The following CACNA1C variants were observed in gnomAD, a reference collection of about 807,000 sequenced individuals.
CACNA1C encodes voltage-dependent L-type calcium channel subunit alpha-1C.
CACNA1C carries 30 observed loss-of-function variants against 229.0 expected under a neutral mutation model. The observed-to-expected ratio is 0.13, with a 90% CI of 0.10 to 0.18. The LOEUF (loss-of-function observed/expected upper bound fraction) is 0.18, where lower values mean the gene tolerates loss of function less well. Among genes scored for constraint, CACNA1C ranks in the 10% least tolerant of loss-of-function variants. The probability of loss-of-function intolerance (pLI) is 1.00; values close to 1 mark genes in which losing one functional copy is unlikely to be tolerated. For missense variants in CACNA1C, 1,658 were observed against 2,845.0 expected, an observed-to-expected ratio of 0.58 and a Z score of 9.49; for synonymous variants, 1,114 against 1,132.5, an observed-to-expected ratio of 0.98 and a Z score of 0.33.
chr12:1,980,258 T>C (rs1020895352), intron 1 of CACNA1C, among the ~76,000 whole-genome samples: 10 of 152,244 alleles, frequency 6.6e-5, no homozygotes, highest in African/African-American at 2.2e-4. Flanking sequence ...AATATAATGA[T>C]GCAGTGGAGT....
chr12:2,395,712 A>G (rs189114223), intron 3 of CACNA1C, among the ~76,000 whole-genome samples: 56 of 152,162 alleles, frequency 3.7e-4, no homozygotes, highest in Admixed American at 6.5e-4. Context: ...GAGGCTTCCC[A>G]TGTATTCCTT....
intron 9 of CACNA1C, among the ~76,000 whole-genome samples, chr12:2,530,508 A>T (rs1168336469): frequency 6.6e-6 from 1 of 152,224 alleles, no homozygotes; most frequent in Non-Finnish European, 1.5e-5. Flanking sequence ...GCCCTCAGTG[A>T]TCATCCAGAG....
chr12:2,296,132 G>A (rs953858117), intron 3 of CACNA1C, among the ~76,000 whole-genome samples: 29 of 152,208 alleles, frequency 1.9e-4, no homozygotes, highest in Non-Finnish European at 5.9e-5. Context: ...CAAAGGGAGT[G>A]GGGAGCAGAG....
At chr12:2,482,868 TAGC>T (rs2099681893) in intron 5 of CACNA1C, among the ~76,000 whole-genome samples, 1 of 152,230 alleles carries the variant, frequency 6.6e-6, no homozygotes, top group South Asian at 2.1e-4. Context: ...CTTCCTCAAA[TAGC>T]AGTTGAGATC....
intron 3 of CACNA1C, among the ~76,000 whole-genome samples, chr12:2,433,245 A>G (rs1170596247): frequency 6.6e-6 from 1 of 152,224 alleles, no homozygotes; most frequent in Non-Finnish European, 1.5e-5. Context: ...ACAGAGGCCA[A>G]GGAGGCATCC....
chr12:2,412,629 TAGTA>T (rs1461104013), intron 3 of CACNA1C, among the ~76,000 whole-genome samples: 2 of 152,248 alleles, frequency 1.3e-5, no homozygotes, highest in Non-Finnish European at 2.9e-5. Flanking sequence ...CTCCGCTTCA[TAGTA>T]AGTGCTCAGT....
chr12:2,328,868 T>G (rs775074382), intron 3 of CACNA1C, among the ~76,000 whole-genome samples: 4 of 152,234 alleles, frequency 2.6e-5, no homozygotes, highest in Non-Finnish European at 4.4e-5. Flanking sequence ...ACAAGGCCAC[T>G]CAAGGCAGCC....
chr12:2,461,403 A>C (rs1038372522), intron 5 of CACNA1C, among the ~76,000 whole-genome samples: 2 of 151,980 alleles, frequency 1.3e-5, no homozygotes, highest in Admixed American at 6.5e-5. Flanking sequence ...TCACCCTCTT[A>C]ACATTGGGAA....
intron 3 of CACNA1C, among the ~76,000 whole-genome samples, chr12:2,325,138 C>G (rs1042637461): frequency 1.1e-4 from 16 of 152,134 alleles, no homozygotes; most frequent in Non-Finnish European, 1.3e-4. Context: ...AGTGTGCCGC[C>G]CTACCCTGGC....
chr12:2,529,242 TCACCAC>T (rs2099835243), intron 9 of CACNA1C, among the ~76,000 whole-genome samples: 2 of 152,192 alleles, frequency 1.3e-5, no homozygotes, highest in South Asian at 4.1e-4. Flanking sequence ...TTTTCTATCC[TCACCAC>T]CTCTTCTCCC....
intron 3 of CACNA1C, among the ~76,000 whole-genome samples, chr12:2,442,645 A>G (rs1482871235): frequency 6.6e-6 from 1 of 152,170 alleles, no homozygotes; most frequent in Non-Finnish European, 1.5e-5. Context: ...TGGGTAATGT[A>G]TAAGAAAAGA....
At chr12:2,080,384 G>A (rs11062108) in intron 1 of CACNA1C, among the ~76,000 whole-genome samples, 7,593 of 152,210 alleles carry the variant, frequency 0.05, 572 homozygotes, top group African/African-American at 0.16. Flanking sequence ...GGTGGATCAC[G>A]AGGTCAGGAG....
chr12:2,637,739 C>T (rs1413217357), intron 30 of CACNA1C, among the ~76,000 whole-genome samples: 1 of 152,254 alleles, frequency 6.6e-6, no homozygotes, highest in East Asian at 1.9e-4. Flanking sequence ...TGCTCCGGGC[C>T]TTCCCAGGTA....
At chr12:2,051,714 C>A (rs1255587342), upstream of CACNA1C, among the ~76,000 whole-genome samples, 1 of 152,158 alleles carries the variant, frequency 6.6e-6, no homozygotes, top group African/African-American at 2.4e-5. Flanking sequence ...AACTGAGCAA[C>A]TAGAAGTATG....
chr12:2,203,932 C>T (rs1304749689), intron 3 of CACNA1C, among the ~76,000 whole-genome samples: 22 of 152,200 alleles, frequency 1.4e-4, no homozygotes. Flanking sequence ...TGATTTCTGC[C>T]CCTTCATGGG....
chr12:2,085,566 G>A lies in CACNA1C; in HGVS notation c.50-29658G>A, dbSNP rs563924199. The stretch of plus-strand genomic sequence containing the variant: ...TCCACAGCTAATTCAATTGAGTGGG[G>A]TAATTATAAATACCCTTAGCTGTTC... On this transcript the variant is annotated intron_variant, in intron 1 of 46. Coordinates refer to ENST00000399655, the MANE Select transcript of CACNA1C (RefSeq NM_000719.7). Among the ~76,000 whole-genome samples the A allele has an allele frequency of 3.3e-5, 5 of 152,148 alleles. No individual in the cohort carries two copies. The East Asian group carries it at 7.7e-4, about 24-fold the overall frequency.
chr12:2,168,823 C>A (rs1025907847), intron 3 of CACNA1C, among the ~76,000 whole-genome samples: 1 of 152,158 alleles, frequency 6.6e-6, no homozygotes, highest in Non-Finnish European at 1.5e-5. Context: ...TTATGAGAAC[C>A]TCAGGAGATG....
intron 29 of CACNA1C, among the ~76,000 whole-genome samples, chr12:2,629,750 T>C (rs1264885138): frequency 6.6e-6 from 1 of 152,208 alleles, no homozygotes; most frequent in African/African-American, 2.4e-5. Flanking sequence ...ACAACCAAAA[T>C]GGAAGAAAAT....
At chr12:2,123,258 C>T (rs2087829644) in intron 3 of CACNA1C, among the ~76,000 whole-genome samples, 1 of 151,832 alleles carries the variant, frequency 6.6e-6, no homozygotes, top group Non-Finnish European at 1.5e-5. Context: ...CACCTGTAGT[C>T]CCAGCTACTC....
Sources: allele counts gnomAD v4.1 joint callset (sites outside exome capture counted in the v4.1 genomes callset), GRCh38; gene constraint gnomAD v4.1.1; transcripts MANE v1.5; gene names NCBI Gene and HGNC (gene_info 2026-07-23, HGNC 2026-07-21).